FNDC3B: variants seen among roughly 807,000 people sequenced by gnomAD.
The protein encoded by FNDC3B is fibronectin type III domain-containing protein 3B.
FNDC3B carries 12 observed loss-of-function variants against 151.5 expected under a neutral mutation model. The ratio of observed to expected loss-of-function variants is 0.08; its 90% CI spans 0.05 to 0.13. The LOEUF (loss-of-function observed/expected upper bound fraction) is 0.13, where lower values mean the gene tolerates loss of function less well. Ranked by LOEUF, FNDC3B falls within the 10% of genes least tolerant of loss-of-function variation. The pLI, the probability that FNDC3B is intolerant of heterozygous loss-of-function variation, is 1.00. For synonymous variants in FNDC3B, 528 were observed against 549.0 expected (o/e 0.96, Z 0.54); for missense variants, 1,214 against 1,505.3 (o/e 0.81, Z 3.20).
At chr3:172,045,766 GTCTCTCTCTCTCTCTCTC>G (rs67916203) in intron 1 of FNDC3B, among the ~76,000 whole-genome samples, 1 of 147,158 alleles carries the variant, frequency 6.8e-6, no homozygotes, top group South Asian at 2.2e-4. Context: ...TTTACTGAGT[GTCTCTCTCTCTCTCTCTC>G]TCTCTCTCTC....
At position 172,240,017 on chromosome 3, in the gene FNDC3B, C is replaced by T. The variant is rs185546672; in HGVS notation, c.265-7516C>T. 2.4e-3 allele frequency among the ~76,000 whole-genome samples: 367 copies of T among 151,714 alleles called. 7 individuals are homozygous for T. Among genetic ancestry groups the T allele is most frequent in the Non-Finnish European group, 5.3e-4 (36 of 67,850 alleles). On this transcript the variant is annotated intron_variant, in intron 4 of 25. Transcript: ENST00000415807. ...CCGAGCAGCTGGGACTACAGGCTCCCGCCACCATGCCTGGCTAATATTTTT... is the reference window on the plus strand; with the variant it reads ...CCGAGCAGCTGGGACTACAGGCTCCTGCCACCATGCCTGGCTAATATTTTT...
intron 6 of FNDC3B, among the ~76,000 whole-genome samples, chr3:172,278,625 TAAA>T (rs1729550747): frequency 6.6e-6 from 1 of 152,132 alleles, no homozygotes; most frequent in South Asian, 2.1e-4. Flanking sequence ...TTGATGTTCT[TAAA>T]AACACTAGCA....
chr3:172,394,106 T>TAAAAAA (rs60559371), intron 25 of FNDC3B, among the ~76,000 whole-genome samples: 1,014 of 16,642 alleles, frequency 0.061, 224 homozygotes, highest in Middle Eastern at 0.071. Flanking sequence ...AGACTCCTTC[T>TAAAAAA]AAAAAAAAAA....
At chr3:172,216,751 C>T (rs75185152) in intron 3 of FNDC3B, among the ~76,000 whole-genome samples, 12,318 of 152,152 alleles carry the variant, frequency 0.081, 822 homozygotes, top group African/African-American at 0.19. Flanking sequence ...ATGTTTCAAA[C>T]TGGGGCAAGG....
At chr3:172,304,293 C>G (rs1257378259) in intron 9 of FNDC3B, among the ~76,000 whole-genome samples, 2 of 152,238 alleles carry the variant, frequency 1.3e-5, no homozygotes, top group Non-Finnish European at 2.9e-5. Flanking sequence ...CCCTGCCTTC[C>G]TCCCTCTGCT....
At chr3:172,116,396 C>T (rs1046363265) in intron 2 of FNDC3B, among the ~76,000 whole-genome samples, 1 of 152,110 alleles carries the variant, frequency 6.6e-6, no homozygotes, top group African/African-American at 2.4e-5. Context: ...TAAAAAGAAC[C>T]CTAGAGGGAT....
At chr3:172,311,710 C>CA (rs58156426) in intron 11 of FNDC3B, among the ~76,000 whole-genome samples, 2,323 of 121,486 alleles carry the variant, frequency 0.019, 28 homozygotes, top group Non-Finnish European at 0.029. Context: ...ACTAAAAATA[C>CA]AAAAAAAAAA....
intron 5 of FNDC3B, among the ~76,000 whole-genome samples, chr3:172,248,519 C>T (rs1388449156): frequency 2.0e-5 from 3 of 152,128 alleles, no homozygotes; most frequent in African/African-American, 4.8e-5. Context: ...TAAAATTAGA[C>T]TTTAGCCTCT....
chr3:172,386,748 GAAAAAAAAAAGA>G (rs1360865706), intron 25 of FNDC3B, among the ~76,000 whole-genome samples: 2 of 51,700 alleles, frequency 3.9e-5, no homozygotes, highest in Non-Finnish European at 8.4e-5. Context: ...CTCAAAAAAA[GAAAAAAAAAAGA>G]AAAAAAAAAA....
At chr3:172,329,937 T>G (rs1452531937) in intron 12 of FNDC3B, 1 of 152,236 alleles carries the variant, frequency 6.6e-6, no homozygotes, top group Non-Finnish European at 1.5e-5. Flanking sequence ...TTGTAAAACA[T>G]TATTTCATCA....
At chr3:172,192,696 T>C (rs1233099235) in intron 3 of FNDC3B, among the ~76,000 whole-genome samples, 1 of 152,156 alleles carries the variant, frequency 6.6e-6, no homozygotes, top group East Asian at 1.9e-4. Flanking sequence ...ATTTTATAAA[T>C]GTTGACGGTT....
chr3:172,325,522 C>T (rs1318563210), intron 11 of FNDC3B, among the ~76,000 whole-genome samples: 1 of 152,190 alleles, frequency 6.6e-6, no homozygotes, highest in Non-Finnish European at 1.5e-5. Flanking sequence ...AACTCCATTT[C>T]TGTCAACAAG....
chr3:172,202,159 G>T (rs1045695489), intron 3 of FNDC3B, among the ~76,000 whole-genome samples: 2 of 152,110 alleles, frequency 1.3e-5, no homozygotes, highest in African/African-American at 4.8e-5. Context: ...CATGAGGCAG[G>T]AACTTGAAGT....
At chr3:172,196,689 AGAGG>A (rs1724850038) in intron 3 of FNDC3B, among the ~76,000 whole-genome samples, 1 of 152,060 alleles carries the variant, frequency 6.6e-6, no homozygotes. Flanking sequence ...CCTGAATAGA[AGAGG>A]GAGGGTCTAG....
intron 6 of FNDC3B, among the ~76,000 whole-genome samples, chr3:172,282,988 C>T (rs1729818744): frequency 6.6e-6 from 1 of 152,224 alleles, no homozygotes; most frequent in Admixed American, 6.5e-5. Flanking sequence ...AAGTTCCTAT[C>T]CACCACTGTG....
In FNDC3B at chr3:172,393,307, A is replaced by G. The variant is rs569545662; in HGVS notation, c.3304-3857A>G. ...AAAAGAGACATTATATAATGATAAG[A>G]GCATCAATTCATCAAGAGGATATAA... On this transcript the variant is annotated intron_variant, in intron 25 of 25. Transcript: ENST00000415807. Among the ~76,000 whole-genome samples the G allele has an allele frequency of 2.5e-4, 38 of 152,346 alleles. 1 individual carries two copies. Among genetic ancestry groups the G allele is most frequent in the Middle Eastern group, 6.8e-3 (2 of 294 alleles).
At chr3:172,286,646 T>G (rs556588730) in intron 7 of FNDC3B, among the ~76,000 whole-genome samples, 1 of 152,284 alleles carries the variant, frequency 6.6e-6, no homozygotes, top group East Asian at 1.9e-4. Context: ...TCAGGGTACA[T>G]AGTTGAATTT....
At chr3:172,298,274 T>C (rs778639687) in intron 8 of FNDC3B, among the ~76,000 whole-genome samples, 1 of 152,246 alleles carries the variant, frequency 6.6e-6, no homozygotes, top group Non-Finnish European at 1.5e-5. Flanking sequence ...AGCTATTTGT[T>C]CGGTGCATTG....
chr3:172,325,323 T>C (rs1732288975), intron 11 of FNDC3B, among the ~76,000 whole-genome samples: 1 of 152,222 alleles, frequency 6.6e-6, no homozygotes, highest in Non-Finnish European at 1.5e-5. Flanking sequence ...TTATAATCTC[T>C]CAAAATCTCT....
Sources: allele counts gnomAD v4.1 joint callset (sites outside exome capture counted in the v4.1 genomes callset), GRCh38; gene constraint gnomAD v4.1.1; transcripts MANE v1.5; gene names NCBI Gene and HGNC (gene_info 2026-07-23, HGNC 2026-07-21).